The following SLC30A8 variants were observed in gnomAD, a reference collection of about 807,000 sequenced individuals.
SLC30A8 encodes solute carrier family 30 member 8.
A neutral mutation model predicts 36.9 loss-of-function variants in SLC30A8; 27 were observed. The ratio of observed to expected loss-of-function variants is 0.73; its 90% CI spans 0.54 to 1.01. The LOEUF is 1.01. SLC30A8 is among the 50% of genes least tolerant of loss of function. The probability of loss-of-function intolerance (pLI) is 0.00; values close to 1 mark genes in which losing one functional copy is unlikely to be tolerated. For synonymous variants in SLC30A8, 164 were observed against 172.4 expected (o/e 0.95, Z 0.38); for missense variants, 439 against 452.0 (o/e 0.97, Z 0.26).
chr8:117,015,213 A>G (rs958197085), intron 1 of SLC30A8, among the ~76,000 whole-genome samples: 4 of 151,970 alleles, frequency 2.6e-5, no homozygotes, highest in Admixed American at 2.0e-4. Context: ...GACTTTCTTT[A>G]TATGTTCTAC....
chr8:117,046,863 T>A (rs900204678), intron 2 of SLC30A8, among the ~76,000 whole-genome samples: 1 of 152,244 alleles, frequency 6.6e-6, no homozygotes, highest in Non-Finnish European at 1.5e-5. Context: ...AGCCATTAGC[T>A]TCCTTTTACT....
At chr8:117,116,935 A>G (rs1344921087) in intron 2 of SLC30A8, among the ~76,000 whole-genome samples, 2 of 151,922 alleles carry the variant, frequency 1.3e-5, no homozygotes, top group African/African-American at 4.8e-5. Flanking sequence ...TCCTGAAACT[A>G]CCCCACCTAT....
intron 1 of SLC30A8, among the ~76,000 whole-genome samples, chr8:116,965,367 A>G (rs185295340): frequency 8.5e-5 from 13 of 152,240 alleles, no homozygotes; most frequent in African/African-American, 3.1e-4. Context: ...TATACCAGTT[A>G]CCTTCTCAAA....
chr8:117,171,677 A>C (rs1823395560), intron 7 of SLC30A8, among the ~76,000 whole-genome samples: 1 of 152,180 alleles, frequency 6.6e-6, no homozygotes, highest in Non-Finnish European at 1.5e-5. Context: ...TTCTGTAGCC[A>C]TGTGAGAAAA....
intron 2 of SLC30A8, among the ~76,000 whole-genome samples, chr8:117,055,474 A>C (rs534946341): frequency 6.7e-4 from 102 of 152,338 alleles, no homozygotes; most frequent in African/African-American, 2.4e-3. Flanking sequence ...CAACAACAGC[A>C]ATCCTAGGAC....
chr8:116,951,772 C>T (rs375627299), intron 1 of SLC30A8, among the ~76,000 whole-genome samples: 9 of 152,004 alleles, frequency 5.9e-5, no homozygotes, highest in East Asian at 3.9e-4. Context: ...GTTGTGTCTA[C>T]GGGGTGCCAG....
chr8:117,070,035 C>T (rs1818282310), intron 2 of SLC30A8, among the ~76,000 whole-genome samples: 1 of 152,102 alleles, frequency 6.6e-6, no homozygotes, highest in Admixed American at 6.5e-5. Context: ...CTTCATTTTC[C>T]TGGAAGGAAT....
upstream of SLC30A8, among the ~76,000 whole-genome samples, chr8:117,132,506 G>A (rs960106814): frequency 5.9e-5 from 9 of 151,986 alleles, no homozygotes; most frequent in East Asian, 1.9e-4. Flanking sequence ...CCTGTAATTC[G>A]GGATGGTTTG....
At chr8:117,125,467 A>C (rs954367547) in intron 2 of SLC30A8, among the ~76,000 whole-genome samples, 3 of 151,936 alleles carry the variant, frequency 2.0e-5, no homozygotes, top group African/African-American at 4.8e-5. Context: ...AAATTGACCA[A>C]ATATTTTTGT....
Position 116,968,799 on chromosome 8 carries a change from C to T in SLC30A8, c.-266+17680C>T, listed in dbSNP as rs531022999. Among the ~76,000 whole-genome samples, 12 of 152,054 alleles carry T rather than the reference C, an allele frequency of 7.9e-5. No individual in the cohort carries two copies. The South Asian group carries it at 2.3e-3, about 29-fold the overall frequency. ...GTCACCAGGCTGGAGTGCAATGGCA[C>T]GATCTCAGCTCACTGCAATCTCAGC... On this transcript the variant is annotated intron_variant, in intron 1 of 10. Transcript: ENST00000427715.
At chr8:117,040,202 T>A (rs1182054865) in intron 2 of SLC30A8, among the ~76,000 whole-genome samples, 1 of 152,222 alleles carries the variant, frequency 6.6e-6, no homozygotes. Flanking sequence ...TATCTTCTCA[T>A]ACAAGAGAAG....
chr8:117,109,762 A>T (rs1270772702), intron 2 of SLC30A8, among the ~76,000 whole-genome samples: 1 of 152,194 alleles, frequency 6.6e-6, no homozygotes, highest in Non-Finnish European at 1.5e-5. Flanking sequence ...AGGCTTTTCA[A>T]CTTTGTCTCC....
At chr8:116,996,484 T>C (rs1321820353) in intron 1 of SLC30A8, among the ~76,000 whole-genome samples, 1 of 152,202 alleles carries the variant, frequency 6.6e-6, no homozygotes, top group Admixed American at 6.6e-5. Context: ...CACATACTTA[T>C]TTTTTTGTGG....
At chr8:117,146,747 G>T in intron 1 of SLC30A8, 2 of 1,278,192 alleles carry the variant, frequency 1.6e-6, no homozygotes, top group Non-Finnish European at 2.1e-6. Flanking sequence ...CTGAATAAAA[G>T]TAAAACTTTT....
rs551029716 is a variant in SLC30A8, at chr8:117,058,959, C to T, written c.-226+19701C>T. On this transcript the variant is annotated intron_variant, in intron 2 of 10. Transcript: ENST00000427715. ...CCTTTCTTAAAAAATGTTCTGATCCCTCCACCATACCTTTTTTACCTAATT... is the reference window on the plus strand; with the variant it reads ...CCTTTCTTAAAAAATGTTCTGATCCTTCCACCATACCTTTTTTACCTAATT... Among the ~76,000 whole-genome samples the T allele has an allele frequency of 2.4e-4, 37 of 152,266 alleles. 1 individual carries two copies. In the South Asian group the frequency reaches 7.5e-3, roughly 31 times the overall value.
rs1159044412 is a variant in SLC30A8 at position 117,135,327 on chromosome 8, C to A, written c.-1C>A. The stretch of plus-strand genomic sequence containing the variant: ...AACAGCCGCAGCTCATCCTGGCCGT[C>A]ATGGAGTTTCTTGAAAGAACGTATC... On this transcript the variant is annotated 5_prime_UTR_variant, in exon 1 of 8. Coordinates refer to ENST00000456015, the MANE Select transcript of SLC30A8 (RefSeq NM_173851.3). 1 of 1,592,050 alleles carries A rather than the reference C, an allele frequency of 6.3e-7. No homozygotes were observed. Among genetic ancestry groups the A allele is most frequent in the Admixed American group, 1.7e-5 (1 of 58,566 alleles).
At chr8:116,964,615 A>C (rs1186660771) in intron 1 of SLC30A8, among the ~76,000 whole-genome samples, 1 of 152,210 alleles carries the variant, frequency 6.6e-6, no homozygotes, top group Non-Finnish European at 1.5e-5. Flanking sequence ...CTAGGTTTGA[A>C]TCAATCCATG....
intron 2 of SLC30A8, among the ~76,000 whole-genome samples, chr8:117,103,031 A>G (rs1476280937): frequency 2.6e-5 from 4 of 152,080 alleles, no homozygotes; most frequent in Admixed American, 6.6e-5. Flanking sequence ...CATCAACTCA[A>G]AGTCCAAAAT....
At chr8:116,984,385 A>G (rs979939376) in intron 1 of SLC30A8, among the ~76,000 whole-genome samples, 1 of 152,198 alleles carries the variant, frequency 6.6e-6, no homozygotes, top group Non-Finnish European at 1.5e-5. Flanking sequence ...AGAAACAGCC[A>G]AACTGTTTTC....
Sources: allele counts gnomAD v4.1 joint callset (sites outside exome capture counted in the v4.1 genomes callset), GRCh38; gene constraint gnomAD v4.1.1; transcripts MANE v1.5; gene names NCBI Gene and HGNC (gene_info 2026-07-23, HGNC 2026-07-21).